ADCY9: variants seen among roughly 807,000 people sequenced by gnomAD.
The protein encoded by ADCY9 is adenylate cyclase 9, also known as adenylate cyclase type 9.
ADCY9 carries 50 observed loss-of-function variants against 101.5 expected under a neutral mutation model. The observed-to-expected ratio is 0.49, with a 90% CI of 0.39 to 0.62. ADCY9 has a LOEUF of 0.62. Among genes scored for constraint, ADCY9 ranks in the 20% least tolerant of loss-of-function variants. The pLI is 0.00. For synonymous variants in ADCY9, 905 were observed against 769.3 expected, an observed-to-expected ratio of 1.18 and a Z score of -2.92; for missense variants, 1,662 against 1,800.4, an observed-to-expected ratio of 0.92 and a Z score of 1.39.
intron 2 of ADCY9, among the ~76,000 whole-genome samples, chr16:4,110,940 G>A (rs1381083460): frequency 6.6e-6 from 1 of 152,206 alleles, no homozygotes; most frequent in Admixed American, 6.5e-5. Flanking sequence ...CGCCTCTGGA[G>A]TCGAGTCCCA....
At chr16:4,059,258 G>GT (rs1239408485) in intron 2 of ADCY9, among the ~76,000 whole-genome samples, 1 of 151,560 alleles carries the variant, frequency 6.6e-6, no homozygotes, top group Non-Finnish European at 1.5e-5. Flanking sequence ...GCGGGTGCCT[G>GT]TAATCCCAGC....
intron 2 of ADCY9, among the ~76,000 whole-genome samples, chr16:4,106,966 T>G (rs1322584645): frequency 6.6e-6 from 1 of 152,206 alleles, no homozygotes; most frequent in African/African-American, 2.4e-5. Flanking sequence ...AGCCCTCCCT[T>G]CCTTCTTCAT....
intron 2 of ADCY9, among the ~76,000 whole-genome samples, chr16:4,100,486 C>T (rs905951061): frequency 7.2e-5 from 11 of 151,984 alleles, no homozygotes; most frequent in Admixed American, 2.6e-4. Flanking sequence ...TATGCCACCA[C>T]GCCTGGCTAA....
rs1246875131 is a variant in ADCY9, at chr16:3,996,733, C to G, written c.1885-3223G>C. ...AAAGTTCATCTGGTAATTCAATGTCCTTGATTACAGACAGAACAGCCCTTG... is the reference window on the plus strand; with the variant it reads ...AAAGTTCATCTGGTAATTCAATGTCGTTGATTACAGACAGAACAGCCCTTG... On this transcript the variant is annotated intron_variant, in intron 3 of 10. Coordinates refer to ENST00000294016, the MANE Select transcript of ADCY9 (RefSeq NM_001116.4). Among the ~76,000 whole-genome samples the G allele has an allele frequency of 2.6e-5, 4 of 152,242 alleles. 1 individual carries two copies. Among genetic ancestry groups the G allele is most frequent in the Non-Finnish European group, 5.9e-5 (4 of 68,040 alleles).
At chr16:4,034,301 A>G (rs899669352) in intron 2 of ADCY9, among the ~76,000 whole-genome samples, 3 of 152,214 alleles carry the variant, frequency 2.0e-5, no homozygotes, top group Admixed American at 1.3e-4. Context: ...AACCGTACTT[A>G]ACTTCCAAAT....
chr16:4,082,276 G>C (rs1003859466), intron 2 of ADCY9, among the ~76,000 whole-genome samples: 1 of 152,126 alleles, frequency 6.6e-6, no homozygotes, highest in African/African-American at 2.4e-5. Flanking sequence ...ATACTCAAGA[G>C]GCTGAGGCAG....
rs775865870 is a variant in ADCY9 at position 4,114,585 on chromosome 16, C to T, written c.858G>A (p.Leu286=). Residue 286 remains leucine (L), a synonymous_variant, in exon 2 of 11, where the codon CTG becomes CTA. Coordinates refer to ENST00000294016, the MANE Select transcript of ADCY9 (RefSeq NM_001116.4). The surrounding 1 kb of genome is among the most constrained non-coding windows in gnomAD (Gnocchi z 4.3). ...ALHWELLSRG[L]LHGCIHAIGV... is the part of the protein sequence containing the mutation. ...CGATGGCGTGGATGCAGCCGTGGAGCAGCCCCCTGCTCAGCAGCTCCCAGT... is the reference window on the plus strand; with the variant it reads ...CGATGGCGTGGATGCAGCCGTGGAGTAGCCCCCTGCTCAGCAGCTCCCAGT... 5.3e-5 allele frequency: 86 copies of T among 1,613,828 alleles called. No homozygotes were observed. Among genetic ancestry groups the T allele is most frequent in the Non-Finnish European group, 6.9e-5 (82 of 1,180,050 alleles).
intron 2 of ADCY9, among the ~76,000 whole-genome samples, 194 bp from the exon 3 acceptor site, chr16:4,007,752 C>T (rs975592775): frequency 2.6e-5 from 4 of 151,966 alleles, no homozygotes; most frequent in African/African-American, 9.7e-5. Flanking sequence ...CGTGGGCCCC[C>T]GAGACACACC....
intron 2 of ADCY9, among the ~76,000 whole-genome samples, chr16:4,046,386 T>C (rs1319846368): frequency 6.6e-6 from 1 of 151,880 alleles, no homozygotes; most frequent in Non-Finnish European, 1.5e-5. Flanking sequence ...AGAGTCACAA[T>C]TCTCACATGA....
intron 2 of ADCY9, among the ~76,000 whole-genome samples, chr16:4,036,469 T>TG (rs1555511057): frequency 4.3e-5 from 6 of 138,444 alleles, no homozygotes; most frequent in Non-Finnish European, 8.0e-5. Flanking sequence ...TTTGTTTTTT[T>TG]TTTTTTTTTT....
intron 2 of ADCY9, among the ~76,000 whole-genome samples, chr16:4,018,369 T>C (rs903496311): frequency 8.5e-5 from 13 of 152,070 alleles, no homozygotes; most frequent in Admixed American, 7.2e-4. Flanking sequence ...CCTGCCACCA[T>C]GCCCGGCTAA....
At chr16:4,043,630 C>T (rs2056642805) in intron 2 of ADCY9, among the ~76,000 whole-genome samples, 1 of 152,090 alleles carries the variant, frequency 6.6e-6, no homozygotes, top group African/African-American at 2.4e-5. Context: ...GCAGAGGTTG[C>T]AGTGAACCAA....
chr16:4,014,939 C>CTTTTTTTTTTT (rs578260761), intron 2 of ADCY9, among the ~76,000 whole-genome samples: 1 of 93,240 alleles, frequency 1.1e-5, no homozygotes, highest in Admixed American at 1.6e-4. Context: ...CTGTTTTGGC[C>CTTTTTTTTTTT]TTTTTTTTTT....
intron 2 of ADCY9, among the ~76,000 whole-genome samples, chr16:4,081,896 A>G (rs2056905891): frequency 8.3e-6 from 1 of 120,908 alleles, no homozygotes; most frequent in African/African-American, 4.0e-5. Flanking sequence ...AGTCTTGGAG[A>G]AGGGAGGGGT....
At chr16:3,983,471 T>C (rs1006328410) in intron 6 of ADCY9, 31 bp from the exon 7 acceptor site, 3 of 1,558,640 alleles carry the variant, frequency 1.9e-6, no homozygotes, top group Middle Eastern at 1.7e-4. Context: ...GCAGAATGAC[T>C]GGGAGGCCAT....
chr16:4,111,265 G>A (rs1427773459), intron 2 of ADCY9, among the ~76,000 whole-genome samples: 2 of 149,418 alleles, frequency 1.3e-5, no homozygotes, highest in Non-Finnish European at 3.0e-5. Context: ...AATACACCCA[G>A]TATTGGGGTT....
chr16:4,074,979 C>T, intron 2 of ADCY9, among the ~76,000 whole-genome samples: 1 of 152,000 alleles, frequency 6.6e-6, no homozygotes, highest in East Asian at 1.9e-4. Flanking sequence ...AGTTCAAGGC[C>T]AGCCTGGGCA....
chr16:4,086,635 T>C (rs2056940489), intron 2 of ADCY9, among the ~76,000 whole-genome samples: 1 of 151,998 alleles, frequency 6.6e-6, no homozygotes, highest in South Asian at 2.1e-4. Context: ...CATAATTAGC[T>C]CAAAAAAATT....
chr16:3,981,217 C>T (rs550703610), intron 7 of ADCY9, among the ~76,000 whole-genome samples: 14 of 152,352 alleles, frequency 9.2e-5, no homozygotes, highest in African/African-American at 2.6e-4. Context: ...TATGTCTGTG[C>T]AGGCAGTTCC....
Sources: gnomAD v4.1 joint callset for allele counts (sites outside exome capture counted in the v4.1 genomes callset) on GRCh38, gnomAD v4.1.1 for gene constraint, Gnocchi (gnomAD v3.1) non-coding constraint, MANE v1.5 for transcripts, NCBI Gene and HGNC (gene_info 2026-07-23, HGNC 2026-07-21) for gene names.